Variants in BAZ2B observed in about 807,000 individuals in gnomAD.
BAZ2B encodes the protein bromodomain adjacent to zinc finger domain protein 2B.
In BAZ2B, 91 loss-of-function variants were observed where a neutral mutation model predicts 246.0. The ratio of observed to expected loss-of-function variants is 0.37; its 90% confidence interval spans 0.31 to 0.44. The LOEUF (loss-of-function observed/expected upper bound fraction) is 0.44, where lower values mean the gene tolerates loss of function less well. BAZ2B is among the 20% of genes least tolerant of loss of function. The pLI is 1.00. For missense variants in BAZ2B, 2,332 were observed against 2,533.7 expected (o/e 0.92, Z 1.71); for synonymous variants, 855 against 860.0 (o/e 0.99, Z 0.10).
Position 159,323,728 on chromosome 2 carries a change from C to T in BAZ2B, c.6353+1083G>A, listed in dbSNP as rs565515659. 2.2e-4 allele frequency among the ~76,000 whole-genome samples: 33 copies of T among 150,772 alleles called. 1 individual carries two copies. The highest frequency in any genetic ancestry group is 6.3e-4 in the South Asian group (3 of 4,774). ...CTGAGGCAGGAGAATCACTTGAACC[C>T]GGGAGGCAGAGATTGCAGTGAGCCG... On this transcript the variant is annotated intron_variant, in intron 36 of 36. Transcript: ENST00000392783.
chr2:159,371,658 T>C (rs1204398126), intron 27 of BAZ2B, among the ~76,000 whole-genome samples: 1 of 152,182 alleles, frequency 6.6e-6, no homozygotes, highest in Non-Finnish European at 1.5e-5. Context: ...CTTCTTCCAA[T>C]CCAATGCGTA....
At chr2:159,553,102 T>C (rs574981990) in intron 2 of BAZ2B, among the ~76,000 whole-genome samples, 1 of 152,280 alleles carries the variant, frequency 6.6e-6, no homozygotes, top group South Asian at 2.1e-4. Flanking sequence ...ATAGAAAATA[T>C]GCTGAAGACA....
chr2:159,619,351 G>A (rs945955078), upstream of BAZ2B, among the ~76,000 whole-genome samples: 2 of 151,532 alleles, frequency 1.3e-5, no homozygotes, highest in Non-Finnish European at 3.0e-5. Context: ...TGAAAACCTT[G>A]ATTTTAATGT....
At chr2:159,698,242 C>T in the BAZ2B span, among the ~76,000 whole-genome samples, 1 of 151,964 alleles carries the variant, frequency 6.6e-6, no homozygotes, top group African/African-American at 2.4e-5. Flanking sequence ...TTTTACTAGG[C>T]CAGGCATAGT....
intron 3 of BAZ2B, chr2:159,464,215 C>G (rs541468957): frequency 6.6e-6 from 1 of 152,296 alleles, no homozygotes; most frequent in South Asian, 2.1e-4. Flanking sequence ...AGTTTTCCCA[C>G]CAATGTCACT....
chr2:159,580,913 A>C (rs1686607001), intron 1 of BAZ2B, among the ~76,000 whole-genome samples: 1 of 152,204 alleles, frequency 6.6e-6, no homozygotes, highest in Admixed American at 6.5e-5. Context: ...TACAAAAATT[A>C]ATTCAAGATG....
chr2:159,436,025 T>C (rs1231964992), intron 8 of BAZ2B, among the ~76,000 whole-genome samples: 1 of 152,212 alleles, frequency 6.6e-6, no homozygotes, highest in East Asian at 1.9e-4. Flanking sequence ...GATGTACCAT[T>C]TCAATGTAAT....
At chr2:159,338,829 C>A (rs868659748) in intron 31 of BAZ2B, among the ~76,000 whole-genome samples, 1 of 152,102 alleles carries the variant, frequency 6.6e-6, no homozygotes, top group Non-Finnish European at 1.5e-5. Flanking sequence ...TAAATGAAAT[C>A]TTCCATATCT....
intron 2 of BAZ2B, among the ~76,000 whole-genome samples, chr2:159,519,205 A>ATTATCTTTTTTTTTTT (rs2083770758): frequency 1.8e-5 from 1 of 56,492 alleles, no homozygotes; most frequent in African/African-American, 6.5e-5. Flanking sequence ...TTCATATTCT[A>ATTATCTTTTTTTTTTT]TTTTCTTTTT....
At chr2:159,632,120 G>C in the BAZ2B span, among the ~76,000 whole-genome samples, 1 of 152,182 alleles carries the variant, frequency 6.6e-6, no homozygotes, top group Non-Finnish European at 1.5e-5. Context: ...AAATATTGGA[G>C]TAATAGAGAA....
At chr2:159,364,914 G>A (rs1363906831) in intron 27 of BAZ2B, among the ~76,000 whole-genome samples, 1 of 152,114 alleles carries the variant, frequency 6.6e-6, no homozygotes, top group African/African-American at 2.4e-5. Context: ...AACCCCGTTT[G>A]CCTAACTCTG....
At chr2:159,456,811 A>G (rs554608687) in intron 3 of BAZ2B, among the ~76,000 whole-genome samples, 38 of 152,312 alleles carry the variant, frequency 2.5e-4, no homozygotes, top group Non-Finnish European at 4.1e-4. Flanking sequence ...AGTAAAGTAT[A>G]CTAAGATCAC....
rs1020283622 is a variant in BAZ2B at position 159,505,802 on chromosome 2, C to T, written c.-2-27081G>A. 5.3e-5 allele frequency among the ~76,000 whole-genome samples: 8 copies of T among 152,166 alleles called. No homozygotes were observed. In the South Asian group the frequency reaches 6.2e-4, roughly 12 times the overall value. ...GAAAATAAAAGGAGAACAATTCATA[C>T]AAGTAACAGCAGGTATGTGTATAAG... On this transcript the variant is annotated intron_variant, in intron 2 of 36. Transcript: ENST00000392783.
chr2:159,488,467 G>A (rs903521561), intron 2 of BAZ2B, among the ~76,000 whole-genome samples: 1 of 152,066 alleles, frequency 6.6e-6, no homozygotes, highest in Admixed American at 6.5e-5. Flanking sequence ...TTGTATGCCT[G>A]TATCAAAATA....
intron 36 of BAZ2B, among the ~76,000 whole-genome samples, chr2:159,323,324 A>G (rs2062968603): frequency 1.3e-5 from 2 of 151,928 alleles, no homozygotes; most frequent in Admixed American, 1.3e-4. Flanking sequence ...AAATATTTCT[A>G]AGCCTATTTG....
At chr2:159,491,778 C>T (rs1300735571) in intron 2 of BAZ2B, among the ~76,000 whole-genome samples, 1 of 143,692 alleles carries the variant, frequency 7.0e-6, no homozygotes, top group Non-Finnish European at 1.5e-5. Context: ...CATTTTAGAG[C>T]TCTAAACTGA....
chr2:159,374,519 T>C (rs1453288769), intron 26 of BAZ2B, among the ~76,000 whole-genome samples, 172 bp downstream of exon 26: 2 of 152,222 alleles, frequency 1.3e-5, no homozygotes, highest in Admixed American at 6.5e-5. Flanking sequence ...AGAATGTTTC[T>C]AGTGTTCCTC....
chr2:159,446,005 T>C (rs568771837), intron 6 of BAZ2B, among the ~76,000 whole-genome samples: 2 of 152,134 alleles, frequency 1.3e-5, no homozygotes, highest in South Asian at 4.1e-4. Context: ...TCCCAGCTTC[T>C]AGGGAAGCTA....
intron 1 of BAZ2B, among the ~76,000 whole-genome samples, chr2:159,595,629 CAATT>C (rs1690514359): frequency 6.6e-6 from 1 of 152,194 alleles, no homozygotes; most frequent in Admixed American, 6.5e-5. Flanking sequence ...CTAAAAGTTA[CAATT>C]AATATGATTC....
Sources: gnomAD v4.1 joint callset for allele counts (sites outside exome capture counted in the v4.1 genomes callset) on GRCh38, gnomAD v4.1.1 for gene constraint, MANE v1.5 for transcripts, NCBI Gene and HGNC (gene_info 2026-07-23, HGNC 2026-07-21) for gene names.